CDC42SE2: variants seen among roughly 807,000 people sequenced by gnomAD.
The protein encoded by CDC42SE2 is CDC42 small effector 2, also known as CDC42 small effector protein 2.
In CDC42SE2, 3 loss-of-function variants were observed where a neutral mutation model predicts 11.5. That is an observed-to-expected ratio of 0.26 (90% CI 0.12 to 0.67). The LOEUF is 0.67. Among genes scored for constraint, CDC42SE2 ranks in the 30% least tolerant of loss-of-function variants. The pLI, the probability that CDC42SE2 is intolerant of heterozygous loss-of-function variation, is 0.80. For missense variants in CDC42SE2, 82 were observed against 106.8 expected, an observed-to-expected ratio of 0.77 and a Z score of 1.02; for synonymous variants, 33 against 34.8, an observed-to-expected ratio of 0.95 and a Z score of 0.18.
the CDC42SE2 span, among the ~76,000 whole-genome samples, chr5:131,238,183 A>G: frequency 6.6e-6 from 1 of 151,830 alleles, no homozygotes; most frequent in African/African-American, 2.4e-5. Flanking sequence ...ACGAATACCT[A>G]ATGCATGTGG....
chr5:131,290,884 T>G (rs894840165), intron 1 of CDC42SE2, among the ~76,000 whole-genome samples: 2 of 152,014 alleles, frequency 1.3e-5, no homozygotes, highest in African/African-American at 4.8e-5. Flanking sequence ...AATATAAAAA[T>G]TAGAAAAAAA....
At chr5:131,218,150 C>T in the CDC42SE2 span, among the ~76,000 whole-genome samples, 1 of 131,016 alleles carries the variant, frequency 7.6e-6, no homozygotes, top group South Asian at 2.3e-4. Context: ...GCACTCCAGG[C>T]TGGGCAAAAG....
chr5:131,308,461 G>T (rs1222119584), intron 1 of CDC42SE2, among the ~76,000 whole-genome samples: 4 of 151,952 alleles, frequency 2.6e-5, no homozygotes, highest in African/African-American at 9.7e-5. Flanking sequence ...CTTGAAAGTA[G>T]TTTTTTCCAA....
At chr5:131,245,921 G>A (rs1301875362) in intron 1 of CDC42SE2, among the ~76,000 whole-genome samples, 1 of 152,042 alleles carries the variant, frequency 6.6e-6, no homozygotes, top group South Asian at 2.1e-4. Context: ...TTCACATTTT[G>A]TCCTTTTGCT....
intron 1 of CDC42SE2, among the ~76,000 whole-genome samples, chr5:131,308,025 C>G (rs193138167): frequency 0.017 from 2,590 of 152,186 alleles, 72 homozygotes; most frequent in African/African-American, 0.059. Flanking sequence ...GTTGCCTGTT[C>G]ACTCTGATGG....
the CDC42SE2 span, among the ~76,000 whole-genome samples, chr5:131,215,227 C>T: frequency 1.6e-4 from 25 of 152,176 alleles, no homozygotes; most frequent in African/African-American, 5.8e-4. Flanking sequence ...CTGAACAAAG[C>T]ATTGATCATT....
chr5:131,345,127 C>T (rs1018012083), intron 2 of CDC42SE2, among the ~76,000 whole-genome samples: 10 of 152,206 alleles, frequency 6.6e-5, no homozygotes, highest in Admixed American at 3.3e-4. Flanking sequence ...TTGCCAGCAA[C>T]GGAACAAAGC....
chr5:131,352,626 C>A (rs1749376778), intron 2 of CDC42SE2, among the ~76,000 whole-genome samples: 1 of 152,074 alleles, frequency 6.6e-6, no homozygotes, highest in East Asian at 1.9e-4. Context: ...AGAGAAGTAG[C>A]TGTGTGATAA....
intron 1 of CDC42SE2, among the ~76,000 whole-genome samples, chr5:131,294,937 C>T (rs957269599): frequency 1.3e-5 from 2 of 152,100 alleles, no homozygotes; most frequent in African/African-American, 2.4e-5. Flanking sequence ...ACCATCCTGG[C>T]TAACATGGTG....
At chr5:131,251,349 A>G (rs115948308) in intron 1 of CDC42SE2, among the ~76,000 whole-genome samples, 5,239 of 152,246 alleles carry the variant, frequency 0.034, 297 homozygotes, top group African/African-American at 0.12. Context: ...TTTTTACTAA[A>G]GGTAATCATT....
At chr5:131,228,420 A>C in the CDC42SE2 span, among the ~76,000 whole-genome samples, 1 of 151,896 alleles carries the variant, frequency 6.6e-6, no homozygotes, top group Non-Finnish European at 1.5e-5. Flanking sequence ...ACACAGAGCA[A>C]CTCTGGTCCT....
chr5:131,249,014 C>CTTT lies in CDC42SE2; in HGVS notation n.107+3434_107+3436dup, dbSNP rs35929101. 3.0e-3 allele frequency among the ~76,000 whole-genome samples: 346 copies of CTTT among 116,070 alleles called. 12 individuals carry two copies. The highest frequency in any genetic ancestry group is 8.4e-3 in the African/African-American group (254 of 30,252). The allele number at this position is 116,070 out of a possible 152,430, so 76.1% of individuals were successfully genotyped here. A position where few individuals can be genotyped will look rare whatever the true frequency, so the allele number is the denominator to read the frequency against. Reference sequence around the variant, plus strand: ...GTGTCCATGAATAGCCAGGTTACATCTTTTTTTTTTTTTTTTTTTTTGATA... The same window carrying CTTT: ...GTGTCCATGAATAGCCAGGTTACATCTTTTTTTTTTTTTTTTTTTTTTTTGATA... On this transcript the variant is annotated intron_variant and non_coding_transcript_variant, in intron 1 of 3. Transcript: ENST00000502840.
intron 1 of CDC42SE2, among the ~76,000 whole-genome samples, chr5:131,293,449 G>A (rs1241600012): frequency 1.3e-5 from 2 of 152,130 alleles, no homozygotes; most frequent in Non-Finnish European, 1.5e-5. Flanking sequence ...GCGGGTGCCT[G>A]TAATCCCGGT....
chr5:131,359,958 T>C (rs918647431), intron 3 of CDC42SE2, among the ~76,000 whole-genome samples: 1 of 152,076 alleles, frequency 6.6e-6, no homozygotes, highest in African/African-American at 2.4e-5. Context: ...CTGAGGAAGA[T>C]ATCATTGTCT....
chr5:131,388,460 G>C (rs565807600), intron 4 of CDC42SE2, among the ~76,000 whole-genome samples: 1 of 152,324 alleles, frequency 6.6e-6, no homozygotes, highest in South Asian at 2.1e-4. Flanking sequence ...TTAGGAATGT[G>C]GCTTGACGCA....
At chr5:131,387,088 T>C (rs1289781101) in intron 4 of CDC42SE2, among the ~76,000 whole-genome samples, 1 of 152,188 alleles carries the variant, frequency 6.6e-6, no homozygotes, top group Non-Finnish European at 1.5e-5. Context: ...AGTAGTTTTG[T>C]TTCCTGCATC....
chr5:131,291,769 T>TA (rs1324510397), intron 1 of CDC42SE2, among the ~76,000 whole-genome samples: 2 of 152,198 alleles, frequency 1.3e-5, no homozygotes. Flanking sequence ...AAAATACTGA[T>TA]ATAACAAACA....
At chr5:131,292,265 A>C (rs1757472780) in intron 1 of CDC42SE2, among the ~76,000 whole-genome samples, 2 of 144,240 alleles carry the variant, frequency 1.4e-5, no homozygotes, top group Non-Finnish European at 3.0e-5. Flanking sequence ...AAAAAAAAAA[A>C]GATAATAATA....
At chr5:131,273,612 T>C (rs958465578) in intron 1 of CDC42SE2, among the ~76,000 whole-genome samples, 1 of 150,416 alleles carries the variant, frequency 6.6e-6, no homozygotes, top group Non-Finnish European at 1.5e-5. Context: ...CTACTAAAAA[T>C]ACAAAAAAAA....
Sources: gnomAD v4.1 joint callset for allele counts (sites outside exome capture counted in the v4.1 genomes callset) on GRCh38, gnomAD v4.1.1 for gene constraint, MANE v1.5 for transcripts, NCBI Gene and HGNC (gene_info 2026-07-23, HGNC 2026-07-21) for gene names.